The following PCDHGA2 variants were observed in gnomAD, a reference collection of about 807,000 sequenced individuals.
The protein encoded by PCDHGA2 is protocadherin gamma-A2.
A neutral mutation model predicts 59.2 loss-of-function variants in PCDHGA2; 40 were observed. The ratio of observed to expected loss-of-function variants is 0.68; its 90% CI spans 0.52 to 0.88. PCDHGA2 has a LOEUF of 0.88. Ranked by LOEUF, PCDHGA2 falls within the 40% of genes least tolerant of loss-of-function variation. The pLI is 0.00. For synonymous variants in PCDHGA2, 560 were observed against 526.0 expected, an observed-to-expected ratio of 1.06 and a Z score of -0.89; for missense variants, 1,226 against 1,204.0, an observed-to-expected ratio of 1.02 and a Z score of -0.27.
Position 141,341,386 on chromosome 5 carries a change from G to A in PCDHGA2, c.2415G>A (p.Thr805=). The change falls in exon 1 of 4, where the codon ACG becomes ACA. Residue 805 remains threonine (T), a synonymous_variant. Transcript: ENST00000394576. The stretch of plus-strand genomic sequence containing the variant: ...TACTCGAAGAAGAAAGAGAAGAAAC[G>A]TTTTCTCAGGTAATCTATCTTTTCA... ...QSLLEEEREE[T]FSQQAPPNTD... 2 of 1,614,166 alleles carry A rather than the reference G, an allele frequency of 1.2e-6. No homozygotes were observed. Among genetic ancestry groups the A allele is most frequent in the Non-Finnish European group, 1.7e-6 (2 of 1,180,034 alleles).
intron 1 of PCDHGA2, among the ~76,000 whole-genome samples, chr5:141,401,891 T>C (rs1196463391): frequency 6.6e-6 from 1 of 152,200 alleles, no homozygotes; most frequent in Non-Finnish European, 1.5e-5. Context: ...TTTTGTGTTC[T>C]TTTTCCCAAA....
chr5:141,350,365 T>C, intron 1 of PCDHGA2: 1 of 1,579,298 alleles, frequency 6.3e-7, no homozygotes, highest in Non-Finnish European at 8.6e-7. Context: ...GATACACGAT[T>C]CCAGAGGAGC....
At chr5:141,415,401 G>T in intron 1 of PCDHGA2, 2 of 1,614,206 alleles carry the variant, frequency 1.2e-6, no homozygotes, top group Non-Finnish European at 1.7e-6. Context: ...TGTCCGGCTC[G>T]CACTTTGTGG....
chr5:141,401,285 T>TGAGCC (rs2094137060), intron 1 of PCDHGA2, among the ~76,000 whole-genome samples: 1 of 151,918 alleles, frequency 6.6e-6, no homozygotes, highest in Non-Finnish European at 1.5e-5. Context: ...GAGGTTGCGG[T>TGAGCC]GAGCCGAGAT....
chr5:141,427,425 AC>A (rs1184817093), intron 1 of PCDHGA2: 2 of 469,034 alleles, frequency 4.3e-6, no homozygotes, highest in Non-Finnish European at 8.5e-6. Flanking sequence ...TGGGGAGGTT[AC>A]ATGCCTCATA....
intron 1 of PCDHGA2, among the ~76,000 whole-genome samples, chr5:141,458,883 C>A (rs1171747288): frequency 6.6e-6 from 1 of 152,136 alleles, no homozygotes; most frequent in East Asian, 1.9e-4. Flanking sequence ...CAGGCATGCA[C>A]ACCATGCGCA....
At chr5:141,409,398 A>C in intron 1 of PCDHGA2, 1 of 1,614,050 alleles carries the variant, frequency 6.2e-7, no homozygotes, top group Non-Finnish European at 8.5e-7. Flanking sequence ...TCTTCTTCCA[A>C]TAACTACTAC....
intron 1 of PCDHGA2, chr5:141,403,656 C>G: frequency 6.2e-7 from 1 of 1,613,894 alleles, no homozygotes. Flanking sequence ...GTGTTGGATA[C>G]AAATGATAAT....
At chr5:141,374,811 C>A (rs1770858987) in intron 1 of PCDHGA2, 1 of 1,613,868 alleles carries the variant, frequency 6.2e-7, no homozygotes, top group Admixed American at 1.7e-5. Flanking sequence ...CCAATGTTTA[C>A]TCAGCCTGTC....
chr5:141,409,041 A>G lies in PCDHGA2; in HGVS notation c.2424+67646A>G, dbSNP rs981171621. On this transcript the variant is annotated intron_variant, in intron 1 of 3. Coordinates refer to ENST00000394576, the MANE Select transcript of PCDHGA2 (RefSeq NM_018915.4). ...GGGGTCAATGCTGAGATAAACTACT[A>G]CTTCCGAAGCACTGCCCAGAGCACA... The G allele has an allele frequency of 8.7e-6, 14 of 1,613,864 alleles. No homozygotes were observed. Among genetic ancestry groups the G allele is most frequent in the Non-Finnish European group, 7.6e-6 (9 of 1,179,894 alleles).
intron 1 of PCDHGA2, chr5:141,390,655 A>G (rs2092202484): frequency 4.9e-6 from 1 of 204,734 alleles, no homozygotes; most frequent in Non-Finnish European, 9.8e-6. Flanking sequence ...GCTTGGATAT[A>G]CCATAAATAT....
At chr5:141,422,446 A>G in intron 1 of PCDHGA2, 1 of 1,610,700 alleles carries the variant, frequency 6.2e-7, no homozygotes, top group South Asian at 1.1e-5. Context: ...CAAATTGATA[A>G]CAAGCAGAGT....
At chr5:141,350,125 A>G in intron 1 of PCDHGA2, 1 of 669,790 alleles carries the variant, frequency 1.5e-6, no homozygotes, top group Non-Finnish European at 2.3e-6. Flanking sequence ...CGGTGCACTG[A>G]GCACAGACGC....
intron 1 of PCDHGA2, chr5:141,405,392 T>C: frequency 6.3e-7 from 1 of 1,596,104 alleles, no homozygotes; most frequent in Non-Finnish European, 8.5e-7. Flanking sequence ...TTCATTTTTT[T>C]TCTTTCTTTC....
chr5:141,352,635 A>G (rs1269276084), intron 1 of PCDHGA2: 1 of 1,610,146 alleles, frequency 6.2e-7, no homozygotes, highest in South Asian at 1.1e-5. Context: ...AATGAAGATC[A>G]CAAAATCGCT....
chr5:141,390,477 C>T (rs2150421205), intron 1 of PCDHGA2: 3 of 678,620 alleles, frequency 4.4e-6, no homozygotes, highest in South Asian at 2.0e-5. Flanking sequence ...TGTGGCCCAA[C>T]ATTTGTTTGT....
chr5:141,351,866 C>G (rs750513233), intron 1 of PCDHGA2: 1 of 1,613,268 alleles, frequency 6.2e-7, no homozygotes, highest in South Asian at 1.1e-5. Flanking sequence ...CCAGGGCTCC[C>G]CCGCGCTCAG....
chr5:141,455,495 G>C (rs2098824459), intron 1 of PCDHGA2, among the ~76,000 whole-genome samples: 1 of 152,204 alleles, frequency 6.6e-6, no homozygotes, highest in East Asian at 1.9e-4. Flanking sequence ...GGTGATGTCT[G>C]ATTTGCATAG....
chr5:141,415,536 G>A (rs1561758201), intron 1 of PCDHGA2: 1 of 1,614,150 alleles, frequency 6.2e-7, no homozygotes, highest in Non-Finnish European at 8.5e-7. Flanking sequence ...TCAGCCAGGA[G>A]AGCTGTGAGA....
Sources: gnomAD v4.1 joint callset for allele counts (sites outside exome capture counted in the v4.1 genomes callset) on GRCh38, gnomAD v4.1.1 for gene constraint, MANE v1.5 for transcripts, NCBI Gene and HGNC (gene_info 2026-07-23, HGNC 2026-07-21) for gene names.